Variants in ME3 observed in about 807,000 individuals in gnomAD.
The protein encoded by ME3 is malic enzyme 3, also known as NADP-dependent malic enzyme, mitochondrial.
A neutral mutation model predicts 68.9 loss-of-function variants in ME3; 48 were observed. The observed-to-expected ratio is 0.70, with a 90% CI of 0.55 to 0.89. ME3 has a LOEUF of 0.89. Among genes scored for constraint, ME3 ranks in the 40% least tolerant of loss-of-function variants. ME3 has a pLI of 0.00. For missense variants in ME3, 675 were observed against 797.4 expected (o/e 0.85, Z 1.85); for synonymous variants, 320 against 318.8 (o/e 1.00, Z -0.04).
At chr11:86,586,764 G>A (rs1436796579) in intron 2 of ME3, among the ~76,000 whole-genome samples, 1 of 152,110 alleles carries the variant, frequency 6.6e-6, no homozygotes, top group Non-Finnish European at 1.5e-5. Flanking sequence ...TGGTTTTAGG[G>A]AAAGAAAGGA....
At chr11:86,604,471 T>C (rs1594634756) in intron 2 of ME3, among the ~76,000 whole-genome samples, 1 of 152,124 alleles carries the variant, frequency 6.6e-6, no homozygotes, top group Non-Finnish European at 1.5e-5. Flanking sequence ...AAAGATTCCC[T>C]CCATCCATAT....
At chr11:86,487,397 C>T (rs1408933937) in exon 7 of ME3, 9 of 1,614,138 alleles carry the variant, frequency 5.6e-6, no homozygotes, top group Non-Finnish European at 5.9e-6. Flanking sequence ...CCCGTGCACG[C>T]GCTGGTGTTT....
At chr11:86,631,825 C>T (rs577260756) in intron 2 of ME3, among the ~76,000 whole-genome samples, 1 of 152,240 alleles carries the variant, frequency 6.6e-6, no homozygotes, top group Non-Finnish European at 1.5e-5. Context: ...CTCCGCCTCT[C>T]GGGTTCAAGC....
chr11:86,671,391 T>A (rs1240251247), intron 2 of ME3, among the ~76,000 whole-genome samples: 1 of 152,224 alleles, frequency 6.6e-6, no homozygotes, highest in Non-Finnish European at 1.5e-5. Context: ...AAGACAATTA[T>A]ATCTCTTTTA....
At chr11:86,547,239 C>CAAAAA (rs1169843852) in intron 4 of ME3, among the ~76,000 whole-genome samples, 21 of 45,916 alleles carry the variant, frequency 4.6e-4, no homozygotes, top group Admixed American at 9.9e-4. Flanking sequence ...GACTCCATCT[C>CAAAAA]AAAAAAAAAA....
chr11:86,506,033 G>C (rs1369974261), intron 5 of ME3, among the ~76,000 whole-genome samples: 1 of 152,222 alleles, frequency 6.6e-6, no homozygotes, highest in Non-Finnish European at 1.5e-5. Context: ...AGCTCCTTGA[G>C]TATGGGCTCC....
intron 4 of ME3, among the ~76,000 whole-genome samples, chr11:86,547,427 C>T (rs1035253794): frequency 1.5e-5 from 2 of 136,956 alleles, no homozygotes; most frequent in African/African-American, 2.7e-5. Flanking sequence ...GGGAGTTTAA[C>T]AATGAGAACA....
At chr11:86,616,986 A>G (rs887682776) in intron 2 of ME3, among the ~76,000 whole-genome samples, 3 of 148,786 alleles carry the variant, frequency 2.0e-5, no homozygotes, top group Non-Finnish European at 4.4e-5. Context: ...AGGGGTATAC[A>G]TGAACTCTTG....
chr11:86,577,079 A>G (rs1413362007), intron 2 of ME3, among the ~76,000 whole-genome samples: 3 of 152,030 alleles, frequency 2.0e-5, no homozygotes, highest in African/African-American at 7.2e-5. Flanking sequence ...TTTGGGCAGG[A>G]TTTCCCCCTC....
intron 2 of ME3, among the ~76,000 whole-genome samples, chr11:86,601,584 T>C (rs1960671252): frequency 6.6e-6 from 1 of 151,572 alleles, no homozygotes; most frequent in Non-Finnish European, 1.5e-5. Context: ...AAAGAGAGAA[T>C]CCTCCCTAAC....
chr11:86,447,021 T>C (rs765315917), intron 12 of ME3, 44 bp downstream of exon 12: 3 of 1,600,940 alleles, frequency 1.9e-6, no homozygotes, highest in Non-Finnish European at 2.6e-6. Flanking sequence ...TTGTAATTGT[T>C]ACTATGTCCT....
chr11:86,568,420 A>C (rs1157281936), intron 2 of ME3, among the ~76,000 whole-genome samples: 1 of 152,234 alleles, frequency 6.6e-6, no homozygotes, highest in Non-Finnish European at 1.5e-5. Flanking sequence ...TCGACTGGTC[A>C]GTGCTTATGC....
At chr11:86,523,220 C>T (rs1167260313) in intron 4 of ME3, among the ~76,000 whole-genome samples, 1 of 152,182 alleles carries the variant, frequency 6.6e-6, no homozygotes, top group African/African-American at 2.4e-5. Context: ...TTATTTAGCT[C>T]CCATTGGGAA....
At chr11:86,456,393 A>G (rs1949928258) in intron 8 of ME3, among the ~76,000 whole-genome samples, 1 of 152,162 alleles carries the variant, frequency 6.6e-6, no homozygotes, top group South Asian at 2.1e-4. Context: ...CAGGTTGAAT[A>G]ACTGGGCTTC....
At chr11:86,665,892 G>C (rs1267553146) in intron 2 of ME3, among the ~76,000 whole-genome samples, 1 of 152,208 alleles carries the variant, frequency 6.6e-6, no homozygotes, top group African/African-American at 2.4e-5. Context: ...GAAGACTGAA[G>C]ACTGAAGAGG....
chr11:86,447,208 C>G lies in ME3; in HGVS notation c.1238-1G>C, dbSNP rs1173179751. Reference sequence around the variant, plus strand: ...AAGGCTCCTGCGATGGCAGCAACACCTACAGGGAAAAGGCGGGTAGTGGGG... The same window carrying G: ...AAGGCTCCTGCGATGGCAGCAACACGTACAGGGAAAAGGCGGGTAGTGGGG... On this transcript the variant is annotated splice_acceptor_variant, in intron 11 of 14. Coordinates refer to ENST00000543262, the Ensembl canonical transcript of ME3. LOFTEE classifies it high-confidence loss of function. The G allele has an allele frequency of 6.2e-7, 1 of 1,613,820 alleles. No homozygotes were observed. The highest frequency in any genetic ancestry group is 8.5e-7 in the Non-Finnish European group (1 of 1,179,858).
chr11:86,514,195 A>G (rs1156926849), intron 4 of ME3, among the ~76,000 whole-genome samples: 1 of 152,164 alleles, frequency 6.6e-6, no homozygotes, highest in South Asian at 2.1e-4. Context: ...GCCTTCCACC[A>G]TAATCATAAG....
chr11:86,563,878 G>A (rs145891795), intron 2 of ME3, among the ~76,000 whole-genome samples: 53 of 152,282 alleles, frequency 3.5e-4, no homozygotes, highest in African/African-American at 1.3e-3. Context: ...AAGTCAGGTA[G>A]TATGATGCTT....
At chr11:86,572,705 G>A (rs1024633665) in intron 2 of ME3, among the ~76,000 whole-genome samples, 1 of 152,150 alleles carries the variant, frequency 6.6e-6, no homozygotes, top group Non-Finnish European at 1.5e-5. Context: ...TTGGTTCCAT[G>A]CCTTTGCTAT....
Sources: gnomAD v4.1 joint callset for allele counts (sites outside exome capture counted in the v4.1 genomes callset) on GRCh38, gnomAD v4.1.1 for gene constraint, MANE v1.5 for transcripts, NCBI Gene and HGNC (gene_info 2026-07-23, HGNC 2026-07-21) for gene names.